DHRS3: variants seen among roughly 807,000 people sequenced by gnomAD.
The protein encoded by DHRS3 is dehydrogenase/reductase 3.
Under a neutral mutation model 27.2 loss-of-function variants are expected in DHRS3, and 14 were observed. The observed-to-expected ratio is 0.52, with a 90% CI of 0.34 to 0.81. The LOEUF (loss-of-function observed/expected upper bound fraction) is 0.81. DHRS3 is among the 30% of genes least tolerant of loss of function. The probability of loss-of-function intolerance (pLI) is 0.01; values close to 1 mark genes in which losing one functional copy is unlikely to be tolerated. For synonymous variants in DHRS3, 165 were observed against 175.9 expected (o/e 0.94, Z 0.49); for missense variants, 322 against 406.2 (o/e 0.79, Z 1.78).
rs556245823 is a variant in DHRS3 at position 12,589,369 on chromosome 1, C to T, written c.196-8703G>A. ...TGAATTAAGGTTTAAAACATCCACT[C>T]TTTTTCTTTTCTTTTCTTTTTCTTT... On this transcript the variant is annotated intron_variant, in intron 1 of 5. Transcript: ENST00000616661. Among the ~76,000 whole-genome samples the T allele has an allele frequency of 4.6e-5, 7 of 150,878 alleles. No individual in the cohort carries two copies. In the South Asian group the frequency reaches 1.5e-3, roughly 32 times the overall value.
At position 12,588,786 on chromosome 1, in the gene DHRS3, C is replaced by T. The variant is rs115141567; in HGVS notation, c.196-8120G>A. Among the ~76,000 whole-genome samples the T allele has an allele frequency of 2.8e-3, 427 of 152,354 alleles. 3 individuals carry two copies. The highest frequency in any genetic ancestry group is 9.1e-3 in the African/African-American group (380 of 41,580). On this transcript the variant is annotated intron_variant, in intron 1 of 5. Coordinates refer to ENST00000616661, the MANE Select transcript of DHRS3 (RefSeq NM_004753.7). The stretch of plus-strand genomic sequence containing the variant: ...GTTCAGCTGCAGCGCACCCTCCCAC[C>T]GGCGACATGAGCTGGGTGGTCTCTG...
chr1:12,572,919 T>A (rs2100645302), intron 4 of DHRS3, 66 bp from the exon 5 acceptor site: 1 of 1,497,974 alleles, frequency 6.7e-7, no homozygotes, highest in Middle Eastern at 1.8e-4. Flanking sequence ...GAAGTCTTTA[T>A]GAGGCTGACA....
At chr1:12,587,842 C>T (rs1218113369) in intron 1 of DHRS3, among the ~76,000 whole-genome samples, 1 of 152,254 alleles carries the variant, frequency 6.6e-6, no homozygotes, top group Non-Finnish European at 1.5e-5. Flanking sequence ...CCCTTTGGGT[C>T]CAACCCCTTG....
At chr1:12,571,137 CATGGTCA>C (rs1646532907) in intron 5 of DHRS3, among the ~76,000 whole-genome samples, 1 of 152,244 alleles carries the variant, frequency 6.6e-6, no homozygotes, top group Non-Finnish European at 1.5e-5. Context: ...GCCAAGAGCC[CATGGTCA>C]CTTGTGGCAC....
intron 4 of DHRS3, among the ~76,000 whole-genome samples, chr1:12,577,759 G>A (rs918268890): frequency 6.6e-6 from 1 of 152,162 alleles, no homozygotes; most frequent in Non-Finnish European, 1.5e-5. Flanking sequence ...GGAGGTGGAG[G>A]TTGCAGTGAG....
At chr1:12,601,962 A>G (rs1646838621) in intron 1 of DHRS3, among the ~76,000 whole-genome samples, 1 of 152,200 alleles carries the variant, frequency 6.6e-6, no homozygotes, top group Non-Finnish European at 1.5e-5. Context: ...TCATGCATTC[A>G]TTTAGGCAAC....
Position 12,617,137 on chromosome 1 carries a change from G to T in DHRS3, c.195+17C>A. 1 of 1,605,072 alleles carries T rather than the reference G, an allele frequency of 6.2e-7. No homozygotes were observed. The highest frequency in any genetic ancestry group is 8.5e-7 in the Non-Finnish European group (1 of 1,176,736). ...CCCCTGCGGCCCCCCACTCCCTGGA[G>T]TCGCAGTGCCTGGTACCTTTCTGGC... On this transcript the variant is annotated intron_variant, in intron 1 of 5. Transcript: ENST00000616661.
rs185293876 is a variant in DHRS3, at chr1:12,586,234, C to T, written c.196-5568G>A. Among the ~76,000 whole-genome samples the T allele has an allele frequency of 8.2e-4, 125 of 152,322 alleles. No homozygotes were observed. The highest frequency in any genetic ancestry group is 2.7e-3 in the African/African-American group (113 of 41,568). ...TATCCGTGGTCACAGTGGAGAAAAC[C>T]GTAGCTCAAAGGAGTTAAGTAACTC... is the stretch of plus-strand genomic sequence containing the variant. On this transcript the variant is annotated intron_variant, in intron 1 of 5. Transcript: ENST00000616661. This position sits in a 1 kb window ranked among gnomAD's most constrained non-coding sequence, Gnocchi z 5.0.
In DHRS3 at chr1:12,617,235, C is replaced by T. The variant is rs1433609088; in HGVS notation, c.114G>A (p.Arg38=). 6.2e-7 allele frequency: 1 copy of T among 1,613,622 alleles called. No individual in the cohort carries two copies. Among genetic ancestry groups the T allele is most frequent in the African/African-American group, 1.3e-5 (1 of 74,934 alleles). Residue 38 remains arginine, a synonymous_variant, in exon 1 of 6, where the codon CGG becomes CGA. Transcript: ENST00000616661. ...CGCCGCCGGTGATGAGGACGTTCTC[C>T]CGCGACAGGTCCCGCAGCTTGGCGG... ...VLPAKLRDLS[R]ENVLITGGGR...
At chr1:12,583,643 C>T (rs1305140313) in intron 1 of DHRS3, among the ~76,000 whole-genome samples, 2 of 149,650 alleles carry the variant, frequency 1.3e-5, no homozygotes, top group Non-Finnish European at 1.5e-5. Context: ...CCCTCCCTCA[C>T]ATACCCCACT....
chr1:12,580,263 C>A, intron 2 of DHRS3: 1 of 500,122 alleles, frequency 2.0e-6, no homozygotes, highest in South Asian at 2.1e-5. Context: ...GGGACATTTG[C>A]CCCGCCACAG....
At chr1:12,571,141 G>T (rs1646532931) in intron 5 of DHRS3, among the ~76,000 whole-genome samples, 1 of 152,342 alleles carries the variant, frequency 6.6e-6, no homozygotes, top group South Asian at 2.1e-4. Context: ...AGAGCCCATG[G>T]TCACTTGTGG....
At chr1:12,576,941 G>T (rs1646593700) in intron 4 of DHRS3, among the ~76,000 whole-genome samples, 1 of 151,102 alleles carries the variant, frequency 6.6e-6, no homozygotes, top group African/African-American at 2.4e-5. Context: ...CTCCCAAAGT[G>T]CTGGGATTGC....
At chr1:12,580,693 A>G in intron 1 of DHRS3, 27 bp from the exon 2 acceptor site, 1 of 1,596,410 alleles carries the variant, frequency 6.3e-7, no homozygotes, top group Non-Finnish European at 8.6e-7. Context: ...ACAACGCAGA[A>G]CAAATGGTCA....
intron 1 of DHRS3, among the ~76,000 whole-genome samples, chr1:12,605,144 G>A (rs926906578): frequency 2.7e-5 from 4 of 149,646 alleles, no homozygotes; most frequent in African/African-American, 9.8e-5. Context: ...CAGTCATGTA[G>A]AGTACCAAGT....
At chr1:12,569,215 C>CTGT (rs1398306746) in intron 5 of DHRS3, among the ~76,000 whole-genome samples, 4 of 88,394 alleles carry the variant, frequency 4.5e-5, no homozygotes, top group African/African-American at 2.2e-4. Flanking sequence ...AAAACTCTGT[C>CTGT]CCCTCTCTCT....
At chr1:12,576,387 C>G (rs891768950) in intron 4 of DHRS3, among the ~76,000 whole-genome samples, 2 of 151,870 alleles carry the variant, frequency 1.3e-5, no homozygotes, top group African/African-American at 4.8e-5. Context: ...ACGGTGAAAC[C>G]CTGTCTCTAC....
At chr1:12,616,503 G>T (rs533510865) in intron 1 of DHRS3, 8 of 956,296 alleles carry the variant, frequency 8.4e-6, no homozygotes, top group African/African-American at 5.3e-5. Flanking sequence ...GGTGTACTGG[G>T]GGGGAGGGGA....
chr1:12,579,014 T>C (rs1381922421), intron 3 of DHRS3, 58 bp from the exon 4 acceptor site: 6 of 1,500,202 alleles, frequency 4.0e-6, no homozygotes, highest in Non-Finnish European at 4.6e-6. Context: ...CCCCTCCACC[T>C]TTCTTTCGGG....
Sources: gnomAD v4.1 joint callset for allele counts (sites outside exome capture counted in the v4.1 genomes callset) on GRCh38, gnomAD v4.1.1 for gene constraint, Gnocchi (gnomAD v3.1) non-coding constraint, MANE v1.5 for transcripts, NCBI Gene and HGNC (gene_info 2026-07-23, HGNC 2026-07-21) for gene names.